The following RRBP1 variants were observed in gnomAD, a reference collection of about 807,000 sequenced individuals.
RRBP1 encodes ribosome binding protein 1.
In RRBP1, 94 loss-of-function variants were observed where a neutral mutation model predicts 165.2. That is an observed-to-expected ratio of 0.57 (90% CI 0.48 to 0.68). The LOEUF is 0.68. Among genes scored for constraint, RRBP1 ranks in the 30% least tolerant of loss-of-function variants. The pLI is 0.00. For missense variants in RRBP1, 1,676 were observed against 1,763.0 expected, an observed-to-expected ratio of 0.95 and a Z score of 0.88; for synonymous variants, 680 against 714.5, an observed-to-expected ratio of 0.95 and a Z score of 0.77.
chr20:17,620,676 T>C, intron 17 of RRBP1, 39 bp downstream of exon 17: 1 of 1,493,158 alleles, frequency 6.7e-7, no homozygotes, highest in Non-Finnish European at 9.2e-7. Flanking sequence ...GGGCTTCATG[T>C]GCTCCACGGC....
In RRBP1 at chr20:17,615,521, G is replaced by A. The variant is rs376820886; in HGVS notation, c.3960C>T (p.Thr1320=). The A allele has an allele frequency of 9.3e-6, 15 of 1,604,834 alleles. No individual in the cohort carries two copies. Among genetic ancestry groups the A allele is most frequent in the Non-Finnish European group, 1.3e-5 (15 of 1,177,162 alleles). The part of the protein sequence containing the change: ...KLTAEFEEAQ[T]SACRLQEELE... ...ATTCTTCTTGTAACCGACATGCCGAGGTCTGAGCCTTGCCGGAGAGGGAAG... is the reference window on the plus strand; with the variant it reads ...ATTCTTCTTGTAACCGACATGCCGAAGTCTGAGCCTTGCCGGAGAGGGAAG... Residue 1320 remains threonine, a synonymous_variant, in exon 23 of 25, where the codon ACC becomes ACT. Coordinates refer to ENST00000377813, the MANE Select transcript of RRBP1 (RefSeq NM_001365613.2).
intron 2 of RRBP1, among the ~76,000 whole-genome samples, chr20:17,677,825 G>C (rs2037111068): frequency 6.6e-6 from 1 of 151,798 alleles, no homozygotes; most frequent in African/African-American, 2.4e-5. Flanking sequence ...GGCAACAAGA[G>C]CGAAACTTTG....
intron 2 of RRBP1, among the ~76,000 whole-genome samples, chr20:17,669,436 T>G (rs1489992081): frequency 6.6e-6 from 1 of 152,234 alleles, no homozygotes; most frequent in African/African-American, 2.4e-5. Flanking sequence ...TAAGATGTGC[T>G]AGCCCACAAG....
Position 17,625,583 on chromosome 20 carries a change from G to A in RRBP1, c.2983C>T (p.Gln995Ter). 6.2e-7 allele frequency: 1 copy of A among 1,613,896 alleles called. No homozygotes were observed. The highest frequency in any genetic ancestry group is 8.5e-7 in the Non-Finnish European group (1 of 1,179,914). The change falls in exon 12 of 25, where the codon CAG (glutamine) becomes TAG (stop). Residue 995 changes from glutamine (Q) to a stop codon, truncating the protein, a stop_gained. Transcript: ENST00000377813. LOFTEE classifies it high-confidence loss of function. ...QQTRLKELES[Q>*]VSGLEKEAIE... ...GCCTCCTTCTCCAGACCCGACACCT[G>A]GGACTCCAGCTCCTTGAGGCTGAAG...
intron 2 of RRBP1, among the ~76,000 whole-genome samples, chr20:17,667,435 C>T (rs148120846): frequency 1.3e-4 from 20 of 152,314 alleles, no homozygotes; most frequent in African/African-American, 2.2e-4. Flanking sequence ...CTTTCTGACA[C>T]GGCCATTTAT....
chr20:17,621,984 C>T, intron 13 of RRBP1, 37 bp from the exon 14 acceptor site: 1 of 1,551,548 alleles, frequency 6.4e-7, no homozygotes, highest in Non-Finnish European at 8.9e-7. Flanking sequence ...AGGTGTTCAG[C>T]TGTGGAGGTG....
chr20:17,660,656 C>CTTTTTT, intron 2 of RRBP1, 128 bp from the exon 3 acceptor site: 1 of 634,850 alleles, frequency 1.6e-6, no homozygotes. Context: ...AGAGAAGAAA[C>CTTTTTT]AAACCCAGGC....
rs1000576357 is a variant in RRBP1 at position 17,643,610 on chromosome 20, C to T, written c.1913-483G>A. ...TTACCGTCCACCACACACAGACACC[C>T]AGAGCCACACTCCTGCAGCCACAGG... is the stretch of plus-strand genomic sequence containing the variant. On this transcript the variant is annotated intron_variant, in intron 3 of 24. Coordinates refer to ENST00000377813, the MANE Select transcript of RRBP1 (RefSeq NM_001365613.2). This position sits in a 1 kb window ranked among gnomAD's most constrained non-coding sequence, Gnocchi z 4.3. Among the ~76,000 whole-genome samples the T allele has an allele frequency of 1.3e-5, 2 of 152,120 alleles. No individual in the cohort carries two copies. Among genetic ancestry groups the T allele is most frequent in the African/African-American group, 4.8e-5 (2 of 41,410 alleles).
intron 5 of RRBP1, among the ~76,000 whole-genome samples, chr20:17,639,167 T>G (rs964149660): frequency 6.6e-6 from 1 of 152,214 alleles, no homozygotes; most frequent in Non-Finnish European, 1.5e-5. Flanking sequence ...TCACTGGAGC[T>G]CTGCCTGGAC....
intron 4 of RRBP1, 80 bp from the exon 5 acceptor site, chr20:17,641,999 C>T: frequency 1.4e-6 from 2 of 1,467,684 alleles, no homozygotes; most frequent in Non-Finnish European, 1.9e-6. Flanking sequence ...AGAGCAGAGG[C>T]CTGAGGGCTT....
At chr20:17,628,869 T>C (rs763131492) in intron 9 of RRBP1, among the ~76,000 whole-genome samples, 45 of 152,260 alleles carry the variant, frequency 3.0e-4, no homozygotes, top group Non-Finnish European at 5.1e-4. Flanking sequence ...AAGCTTTCTT[T>C]GAACACAGCC....
At chr20:17,674,219 CTCT>C (rs1181920660) in intron 2 of RRBP1, among the ~76,000 whole-genome samples, 4 of 152,152 alleles carry the variant, frequency 2.6e-5, no homozygotes, top group Non-Finnish European at 4.4e-5. Context: ...CTAGTATCTA[CTCT>C]TCTTCACCTA....
intron 7 of RRBP1, among the ~76,000 whole-genome samples, chr20:17,635,245 C>G (rs1332399244): frequency 1.3e-5 from 2 of 152,182 alleles, no homozygotes; most frequent in Non-Finnish European, 2.9e-5. Context: ...CCCCGCTAGG[C>G]AGGTGGGTGC....
Position 17,636,663 on chromosome 20 carries a change from G to A in RRBP1, c.2251C>T (p.Arg751Trp), listed in dbSNP as rs1470748077. The A allele has an allele frequency of 7.4e-6, 12 of 1,613,102 alleles. No homozygotes were observed. The highest frequency in any genetic ancestry group is 3.3e-5 in the Admixed American group (2 of 60,014). The change falls in exon 6 of 25, where the codon CGG becomes TGG. Residue 751 changes from arginine to tryptophan, a missense_variant. By Grantham distance (101) the Arg-to-Trp change is moderately radical (BLOSUM62 -3). Transcript: ENST00000377813. Reference protein sequence around the residue: ...EAKVKKQLVAREQEITAVQAR... With the variant: ...EAKVKKQLVAWEQEITAVQAR... ...TGCACAGCCGTGATCTCCTGCTCCC[G>A]GGCCACCAGCTGCTTTTTCACTTTG...
chr20:17,634,589 A>G (rs2036213268), intron 7 of RRBP1, among the ~76,000 whole-genome samples: 2 of 152,250 alleles, frequency 1.3e-5, no homozygotes, highest in African/African-American at 4.8e-5. Context: ...CCCACCAGCC[A>G]GAGCTTCTGG....
rs1397424170 is a variant in RRBP1 at position 17,615,672 on chromosome 20, G to A, written c.3952-143C>T. The A allele has an allele frequency of 1.2e-5, 8 of 670,092 alleles. No homozygotes were observed. The South Asian group carries it at 1.3e-4, about 10-fold the overall frequency. The allele number at this position is 670,092 out of a possible 1,614,324, so 41.5% of individuals were successfully genotyped here. On this transcript the variant is annotated intron_variant, in intron 22 of 24. Transcript: ENST00000377813. ...TCCATCCTGTAGCTGGAATGAGTGG[G>A]CCAGACCCACAAGTTCTGACCCAGC...
intron 20 of RRBP1, among the ~76,000 whole-genome samples, 163 bp from the exon 21 acceptor site, chr20:17,617,002 C>T (rs1027426111): frequency 1.3e-5 from 2 of 152,194 alleles, no homozygotes; most frequent in African/African-American, 4.8e-5. Context: ...CCACCCCCGC[C>T]GCCAACCTGA....
At chr20:17,651,699 A>G (rs2036562466) in intron 3 of RRBP1, among the ~76,000 whole-genome samples, 1 of 152,088 alleles carries the variant, frequency 6.6e-6, no homozygotes, top group African/African-American at 2.4e-5. Flanking sequence ...GAGCAAAAAG[A>G]CTTTCTATTT....
chr20:17,660,645 C>T (rs2036748413), intron 2 of RRBP1, 117 bp from the exon 3 acceptor site: 1 of 678,694 alleles, frequency 1.5e-6, no homozygotes, highest in Admixed American at 2.9e-5. Context: ...CTAATAAATT[C>T]AGAGAAGAAA....
Sources: allele counts gnomAD v4.1 joint callset (sites outside exome capture counted in the v4.1 genomes callset), GRCh38; gene constraint gnomAD v4.1.1; non-coding constraint Gnocchi (gnomAD v3.1); transcripts MANE v1.5; gene names NCBI Gene and HGNC (gene_info 2026-07-23, HGNC 2026-07-21).